The following CUL1 variants were observed in gnomAD, a reference collection of about 807,000 sequenced individuals.
The protein encoded by CUL1 is cullin 1.
In CUL1, 24 loss-of-function variants were observed where a neutral mutation model predicts 118.0. That is an observed-to-expected ratio of 0.20 (90% CI 0.15 to 0.29). The LOEUF (loss-of-function observed/expected upper bound fraction) is 0.29, where lower values mean the gene tolerates loss of function less well. CUL1 is among the 10% of genes least tolerant of loss of function. The pLI is 1.00. For missense variants in CUL1, 361 were observed against 933.8 expected (o/e 0.39, Z 7.99); for synonymous variants, 332 against 340.4 (o/e 0.98, Z 0.27).
chr7:148,758,652 A>G (rs1339233037), intron 4 of CUL1, among the ~76,000 whole-genome samples: 1 of 152,166 alleles, frequency 6.6e-6, no homozygotes, highest in African/African-American at 2.4e-5. Context: ...TCCCAGATGC[A>G]TGACTAGTTT....
At chr7:148,794,854 C>T (rs1038369151) in intron 17 of CUL1, among the ~76,000 whole-genome samples, 8 of 152,178 alleles carry the variant, frequency 5.3e-5, no homozygotes, top group South Asian at 2.1e-4. Flanking sequence ...TTAATTGAGA[C>T]GGAGTCTTGC....
Position 148,787,507 on chromosome 7 carries a change from G to A in CUL1, c.1479+387G>A, listed in dbSNP as rs151248445. Reference sequence around the variant, plus strand: ...TTAGTCTCTCCAGGTTATGAGGCAGGCAGAGGAGTTTGTGCAGTGGTTTGT... The same window carrying A: ...TTAGTCTCTCCAGGTTATGAGGCAGACAGAGGAGTTTGTGCAGTGGTTTGT... On this transcript the variant is annotated intron_variant, in intron 13 of 21. Transcript: ENST00000325222. This position sits in a 1 kb window ranked among gnomAD's most constrained non-coding sequence, Gnocchi z 5.5. 1.8e-4 allele frequency among the ~76,000 whole-genome samples: 28 copies of A among 152,212 alleles called. No homozygotes were observed. In the East Asian group the frequency reaches 4.8e-3, roughly 26 times the overall value.
At chr7:148,773,406 A>G (rs3779035) in intron 9 of CUL1, among the ~76,000 whole-genome samples, 59,862 of 151,792 alleles carry the variant, frequency 0.39, 12,527 homozygotes, top group Non-Finnish European at 0.48. Flanking sequence ...AGCTGACCTT[A>G]ACTCTTCTAT....
chr7:148,798,812 G>A (rs1801294006), intron 20 of CUL1, 135 bp downstream of exon 20: 2 of 749,048 alleles, frequency 2.7e-6, no homozygotes, highest in East Asian at 2.5e-5. Flanking sequence ...GGCAGAAGGT[G>A]GCAAGGCCGA....
chr7:148,786,932 T>G, intron 12 of CUL1, 57 bp from the exon 13 acceptor site: 1 of 1,583,572 alleles, frequency 6.3e-7, no homozygotes, highest in African/African-American at 1.3e-5. Flanking sequence ...CAGTCAGCTC[T>G]GCACTGTTGG....
In CUL1 at chr7:148,728,845, C is replaced by G. The variant is rs373622145; in HGVS notation, c.-161-1117C>G. 1.6e-4 allele frequency among the ~76,000 whole-genome samples: 24 copies of G among 152,268 alleles called. No individual in the cohort carries two copies. In the East Asian group the frequency reaches 4.6e-3, roughly 29 times the overall value. On this transcript the variant is annotated intron_variant, in intron 1 of 21. Transcript: ENST00000325222. ...TAGTTTACACAGAGCTCTGTAATGC[C>G]ATTGAGGATATAGGATGAGCTGAAT...
chr7:148,764,641 A>G (rs1799946380), intron 7 of CUL1, among the ~76,000 whole-genome samples: 1 of 152,246 alleles, frequency 6.6e-6, no homozygotes, highest in Admixed American at 6.5e-5. Flanking sequence ...CTTAAAACAG[A>G]AAAAGTGGTG....
intron 1 of CUL1, among the ~76,000 whole-genome samples, chr7:148,704,681 CAT>C (rs1797828054): frequency 1.3e-5 from 2 of 152,060 alleles, no homozygotes; most frequent in Admixed American, 6.5e-5. Flanking sequence ...CATAAAACAA[CAT>C]ATGTAAGTAA....
At position 148,800,639 on chromosome 7, in the gene CUL1, A is replaced by G. The variant is rs1288039840; in HGVS notation, c.*57A>G. The stretch of plus-strand genomic sequence containing the variant: ...CAGCAAATAGTTCATGTTGGAAAGA[A>G]TGAAAACAACTCAAGTTCATAGCAG... On this transcript the variant is annotated 3_prime_UTR_variant, in exon 22 of 22. Coordinates refer to ENST00000325222, the MANE Select transcript of CUL1 (RefSeq NM_003592.3). This position sits in a 1 kb window ranked among gnomAD's most constrained non-coding sequence, Gnocchi z 4.6. 7.0e-7 allele frequency: 1 copy of G among 1,418,860 alleles called. No individual in the cohort carries two copies. The highest frequency in any genetic ancestry group is 9.9e-7 in the Non-Finnish European group (1 of 1,012,486). 87.9% of individuals were successfully genotyped at this position (1,418,860 alleles called of 1,614,324 possible).
intron 1 of CUL1, among the ~76,000 whole-genome samples, chr7:148,707,406 A>T (rs929028036): frequency 3.3e-5 from 5 of 152,194 alleles, no homozygotes; most frequent in African/African-American, 4.8e-5. Context: ...TATTAAAAAA[A>T]TTTTAAAGCA....
intron 1 of CUL1, among the ~76,000 whole-genome samples, chr7:148,707,976 G>A (rs774431396): frequency 3.3e-5 from 5 of 152,132 alleles, no homozygotes; most frequent in African/African-American, 7.2e-5. Context: ...GGGCCACATC[G>A]CTCATTTCCC....
At chr7:148,791,538 G>A (rs1433832626) in intron 16 of CUL1, among the ~76,000 whole-genome samples, 2 of 152,200 alleles carry the variant, frequency 1.3e-5, no homozygotes, top group Non-Finnish European at 2.9e-5. Flanking sequence ...GAATTTCAGT[G>A]TCCAGTTTTT....
chr7:148,704,562 C>T (rs973892791), intron 1 of CUL1, among the ~76,000 whole-genome samples: 1 of 151,960 alleles, frequency 6.6e-6, no homozygotes, highest in Non-Finnish European at 1.5e-5. Flanking sequence ...CATTTGTTTT[C>T]GTTTTTTTGC....
At chr7:148,738,208 G>C (rs914288126) in intron 2 of CUL1, among the ~76,000 whole-genome samples, 4 of 152,184 alleles carry the variant, frequency 2.6e-5, no homozygotes, top group Non-Finnish European at 5.9e-5. Flanking sequence ...TCATCCTGCT[G>C]CTCACTTTAT....
intron 19 of CUL1, 116 bp downstream of exon 19, chr7:148,798,135 G>T: frequency 1.6e-6 from 1 of 621,096 alleles, no homozygotes; most frequent in East Asian, 2.8e-5. Flanking sequence ...AGTGTGAAGC[G>T]ACAGGCACTA....
intron 11 of CUL1, among the ~76,000 whole-genome samples, chr7:148,784,914 TAAC>T (rs930010205): frequency 3.3e-5 from 5 of 152,322 alleles, no homozygotes; most frequent in Middle Eastern, 3.4e-3. Flanking sequence ...AGTAAAATAT[TAAC>T]AAGCCAGATT....
intron 1 of CUL1, among the ~76,000 whole-genome samples, chr7:148,714,949 G>T (rs575492615): frequency 3.5e-4 from 54 of 152,244 alleles, no homozygotes; most frequent in African/African-American, 1.2e-3. Context: ...GTGGTCACAT[G>T]ATCACAGTCC....
At chr7:148,751,452 T>C (rs1425106570) in intron 2 of CUL1, among the ~76,000 whole-genome samples, 1 of 150,852 alleles carries the variant, frequency 6.6e-6, no homozygotes, top group Non-Finnish European at 1.5e-5. Context: ...GGAGAATCGC[T>C]TGATCCCGGG....
At chr7:148,720,562 T>G (rs1180048484) in intron 1 of CUL1, among the ~76,000 whole-genome samples, 2 of 151,980 alleles carry the variant, frequency 1.3e-5, no homozygotes, top group Non-Finnish European at 2.9e-5. Context: ...GCACGCAACA[T>G]GAGGAAAATA....
Sources: allele counts gnomAD v4.1 joint callset (sites outside exome capture counted in the v4.1 genomes callset), GRCh38; gene constraint gnomAD v4.1.1; non-coding constraint Gnocchi (gnomAD v3.1); transcripts MANE v1.5; gene names NCBI Gene and HGNC (gene_info 2026-07-23, HGNC 2026-07-21).